TLE4: variants seen among roughly 807,000 people sequenced by gnomAD.
TLE4 encodes the protein TLE family member 4, transcriptional corepressor.
Under a neutral mutation model 92.8 loss-of-function variants are expected in TLE4, and 8 were observed. The observed-to-expected ratio is 0.09, with a 90% CI of 0.05 to 0.16. The LOEUF is 0.16. Ranked by LOEUF, TLE4 falls within the 10% of genes least tolerant of loss-of-function variation. TLE4 has a pLI of 1.00. For synonymous variants in TLE4, 371 were observed against 374.1 expected (o/e 0.99, Z 0.10); for missense variants, 675 against 997.6 (o/e 0.68, Z 4.36).
intron 6 of TLE4, among the ~76,000 whole-genome samples, chr9:79,640,816 T>TTTTAATATTTTAATATTAAATA (rs2056981700): frequency 6.6e-6 from 1 of 152,168 alleles, no homozygotes; most frequent in Non-Finnish European, 1.5e-5. Flanking sequence ...AATTATTATT[T>TTTTAATATTTTAATATTAAATA]TTTAATATTC....
chr9:79,573,778 A>G lies in TLE4; in HGVS notation c.135A>G (p.Gln45=), dbSNP rs770468735. 1.1e-5 allele frequency: 17 copies of G among 1,593,286 alleles called. No individual in the cohort carries two copies. The highest frequency in any genetic ancestry group is 4.5e-5 in the South Asian group (4 of 88,936). The part of the protein sequence containing the change: ...IKEEFQFLQA[Q]YHSLKLECEK... ...AAGAGTTTCAGTTTTTACAGGCTCA[A>G]TACCACAGGTAACGATATTGACTTT... is the stretch of plus-strand genomic sequence containing the variant. Residue 45 remains glutamine (Q), a synonymous_variant, in exon 2 of 20, where the codon CAA becomes CAG. Transcript: ENST00000376552.
chr9:79,693,982 T>C (rs907007791), intron 8 of TLE4, among the ~76,000 whole-genome samples: 2 of 152,202 alleles, frequency 1.3e-5, no homozygotes, highest in African/African-American at 4.8e-5. Context: ...AGTGATTAAA[T>C]GTCACTGGGT....
intron 15 of TLE4, 82 bp downstream of exon 15, chr9:79,719,053 A>C (rs1333418683): frequency 1.3e-6 from 2 of 1,528,846 alleles, no homozygotes; most frequent in Admixed American, 2.0e-5. Flanking sequence ...TGTATGAGCA[A>C]CACCACACAG....
In TLE4 at chr9:79,573,692, C is replaced by G; in HGVS notation, c.49C>G (p.Pro17Ala). The change falls in exon 2 of 20, where the codon CCG (proline) becomes GCG (alanine). Residue 17 changes from proline to alanine, a missense_variant. Coordinates refer to ENST00000376552, the MANE Select transcript of TLE4 (RefSeq NM_007005.6). ...ATATTTTATTGTTGTTCTTCAGGCA[C>G]CGCATCAGCCTGCTCAACCCTTTAA... is the stretch of plus-strand genomic sequence containing the variant. ...KMYPQTRHPA[P>A]HQPAQPFKFT... 6.3e-7 allele frequency: 1 copy of G among 1,596,292 alleles called. No homozygotes were observed. Among genetic ancestry groups the G allele is most frequent in the Admixed American group, 1.7e-5 (1 of 59,548 alleles).
intron 8 of TLE4, chr9:79,668,771 G>T: frequency 1.0e-6 from 1 of 976,018 alleles, no homozygotes; most frequent in Non-Finnish European, 1.2e-6. Context: ...CTACTGGAAC[G>T]CTTTTAATTT....
chr9:79,605,731 A>G (rs2046683955), intron 4 of TLE4, among the ~76,000 whole-genome samples: 2 of 152,182 alleles, frequency 1.3e-5, no homozygotes, highest in South Asian at 2.1e-4. Flanking sequence ...CACAAACAGT[A>G]GCCCCATGTA....
chr9:79,596,361 A>G (rs990803748), intron 4 of TLE4, among the ~76,000 whole-genome samples: 29 of 152,284 alleles, frequency 1.9e-4, no homozygotes, highest in African/African-American at 6.5e-4. Flanking sequence ...GAAAAGAGGA[A>G]GGGAGATCCT....
At chr9:79,596,157 A>G (rs935134890) in intron 4 of TLE4, among the ~76,000 whole-genome samples, 1 of 152,066 alleles carries the variant, frequency 6.6e-6, no homozygotes, top group Non-Finnish European at 1.5e-5. Context: ...TTTAGTATCT[A>G]CTTAATCGAA....
At chr9:79,720,996 TC>T (rs1309512320) in intron 16 of TLE4, among the ~76,000 whole-genome samples, 1 of 152,200 alleles carries the variant, frequency 6.6e-6, no homozygotes, top group Non-Finnish European at 1.5e-5. Flanking sequence ...AGTAGAATGA[TC>T]AGCTACAGGT....
intron 8 of TLE4, among the ~76,000 whole-genome samples, chr9:79,655,570 A>G (rs535815826): frequency 1.1e-3 from 174 of 152,380 alleles, no homozygotes; most frequent in Non-Finnish European, 1.9e-3. Context: ...ATTTACAATT[A>G]GAACTGAACA....
At chr9:79,681,668 A>T (rs937197858) in intron 8 of TLE4, among the ~76,000 whole-genome samples, 5 of 151,950 alleles carry the variant, frequency 3.3e-5, no homozygotes, top group African/African-American at 1.2e-4. Flanking sequence ...CTGTTCAGTG[A>T]TTCTGTGGAT....
intron 6 of TLE4, among the ~76,000 whole-genome samples, chr9:79,627,942 T>C (rs1472109147): frequency 6.6e-6 from 1 of 152,160 alleles, no homozygotes; most frequent in Non-Finnish European, 1.5e-5. Context: ...AAATAATAGA[T>C]GAACTACACT....
chr9:79,637,998 G>A (rs1006873769), intron 6 of TLE4, among the ~76,000 whole-genome samples: 1 of 152,118 alleles, frequency 6.6e-6, no homozygotes, highest in Admixed American at 6.6e-5. Context: ...AATATCATGT[G>A]GGGTGCATGT....
intron 8 of TLE4, among the ~76,000 whole-genome samples, chr9:79,659,985 T>G (rs2060299015): frequency 6.6e-6 from 1 of 152,130 alleles, no homozygotes; most frequent in Admixed American, 6.5e-5. Flanking sequence ...ATTGGTAAAA[T>G]CCATTTCATT....
intron 19 of TLE4, among the ~76,000 whole-genome samples, chr9:79,723,922 A>G (rs977339766): frequency 2.0e-5 from 3 of 152,222 alleles, no homozygotes; most frequent in African/African-American, 7.2e-5. Context: ...TTTTTATAGT[A>G]AGCATAAGTA....
chr9:79,588,971 G>A (rs1373103547), intron 4 of TLE4, among the ~76,000 whole-genome samples: 1 of 152,206 alleles, frequency 6.6e-6, no homozygotes, highest in Non-Finnish European at 1.5e-5. Context: ...CCTTTCCTCA[G>A]AGGATGTCTG....
chr9:79,708,863 G>T (rs1035221737), intron 13 of TLE4, 77 bp downstream of exon 13: 30 of 1,465,710 alleles, frequency 2.0e-5, no homozygotes, highest in Non-Finnish European at 2.5e-5. Flanking sequence ...ACAGGGTCTC[G>T]CTCTGTCACC....
Position 79,651,270 on chromosome 9 carries a change from A to T in TLE4, c.391-1323A>T, listed in dbSNP as rs545649384. Among the ~76,000 whole-genome samples, 7 of 152,288 alleles carry T rather than the reference A, an allele frequency of 4.6e-5. No individual in the cohort carries two copies. In the South Asian group the frequency reaches 8.3e-4, roughly 18 times the overall value. On this transcript the variant is annotated intron_variant, in intron 6 of 19. Transcript: ENST00000376552. The stretch of plus-strand genomic sequence containing the variant: ...TATTGCTAAGCAGGGTTTGAGTTGA[A>T]GGGATTCCTATTGAGTAATACATTT...
chr9:79,687,680 C>T (rs1045433440), intron 8 of TLE4, among the ~76,000 whole-genome samples: 6 of 152,142 alleles, frequency 3.9e-5, no homozygotes, highest in Non-Finnish European at 8.8e-5. Flanking sequence ...TTGATGTTGC[C>T]TTACTGCTCT....
Sources: allele counts gnomAD v4.1 joint callset (sites outside exome capture counted in the v4.1 genomes callset), GRCh38; gene constraint gnomAD v4.1.1; transcripts MANE v1.5; gene names NCBI Gene and HGNC (gene_info 2026-07-23, HGNC 2026-07-21).